The following OSBPL10 variants were observed in gnomAD, a reference collection of about 807,000 sequenced individuals.
OSBPL10 encodes oxysterol binding protein like 10.
Under a neutral mutation model 81.7 loss-of-function variants are expected in OSBPL10, and 49 were observed. The ratio of observed to expected loss-of-function variants is 0.60; its 90% CI spans 0.48 to 0.76. The LOEUF (loss-of-function observed/expected upper bound fraction) is 0.76. Among genes scored for constraint, OSBPL10 ranks in the 30% least tolerant of loss-of-function variants. The pLI, the probability that OSBPL10 is intolerant of heterozygous loss-of-function variation, is 0.00. For synonymous variants in OSBPL10, 419 were observed against 383.6 expected (o/e 1.09, Z -1.08); for missense variants, 923 against 987.8 (o/e 0.93, Z 0.88).
At position 31,862,812 on chromosome 3, in the gene OSBPL10, C is replaced by T. The variant is rs117126505; in HGVS notation, c.537+13621G>A. ...GGAAAAATTGGAACCCTATACATTG[C>T]TGATAGGGATGTAAAATGGTGCAGC... On this transcript the variant is annotated intron_variant, in intron 3 of 11. Transcript: ENST00000396556. Among the ~76,000 whole-genome samples, 112 of 152,266 alleles carry T rather than the reference C, an allele frequency of 7.4e-4. No individual in the cohort carries two copies. In the East Asian group the frequency reaches 0.019, roughly 26 times the overall value.
chr3:31,738,299 G>T (rs1332699761), intron 5 of OSBPL10, among the ~76,000 whole-genome samples: 1 of 151,250 alleles, frequency 6.6e-6, no homozygotes, highest in African/African-American at 2.4e-5. Context: ...TGAATCCCTA[G>T]TTTATGAAGT....
At chr3:31,967,312 G>T (rs962522915) in intron 1 of OSBPL10, among the ~76,000 whole-genome samples, 8 of 152,016 alleles carry the variant, frequency 5.3e-5, no homozygotes, top group Admixed American at 2.6e-4. Context: ...GCCAGGGCTG[G>T]TCTCAAACTC....
chr3:32,013,422 ATC>A (rs1242625310), intron 2 of OSBPL10, among the ~76,000 whole-genome samples: 5 of 152,194 alleles, frequency 3.3e-5, no homozygotes, highest in South Asian at 4.1e-4. Flanking sequence ...ACATACCAGA[ATC>A]TCTGGGACAC....
rs1265256355 is a variant in OSBPL10, at chr3:31,924,903, ATCTTT to A, written c.282-45078_282-45074del. 3.3e-5 allele frequency among the ~76,000 whole-genome samples: 5 copies of A among 152,204 alleles called. No individual in the cohort carries two copies. In the South Asian group the frequency reaches 1.0e-3, roughly 31 times the overall value. Reference sequence around the variant, plus strand: ...CTTTGCCAAGTCCTGAGATAATTTCATCTTTTCTTTTCAACTAAAATAGTAGCCAT... The same window carrying A: ...CTTTGCCAAGTCCTGAGATAATTTCATCTTTTCAACTAAAATAGTAGCCAT... On this transcript the variant is annotated intron_variant, in intron 1 of 11. Transcript: ENST00000396556.
upstream of OSBPL10, among the ~76,000 whole-genome samples, chr3:31,982,111 A>G (rs889542723): frequency 2.0e-5 from 3 of 152,108 alleles, no homozygotes; most frequent in African/African-American, 7.2e-5. Context: ...CATTGCTACC[A>G]CACTGCACGT....
At chr3:31,864,288 G>T (rs1701123086) in intron 3 of OSBPL10, among the ~76,000 whole-genome samples, 1 of 152,086 alleles carries the variant, frequency 6.6e-6, no homozygotes, top group Admixed American at 6.5e-5. Context: ...CCAGGCTGGA[G>T]TTGGAATGCA....
intron 2 of OSBPL10, among the ~76,000 whole-genome samples, chr3:32,010,140 A>ATT (rs11303839): frequency 0.15 from 22,665 of 146,828 alleles, 1,854 homozygotes; most frequent in South Asian, 0.28. Flanking sequence ...GAGGCTGCCC[A>ATT]TTTTTTTTTT....
chr3:31,736,173 AT>A (rs1305956488), intron 5 of OSBPL10, among the ~76,000 whole-genome samples: 1 of 152,206 alleles, frequency 6.6e-6, no homozygotes, highest in African/African-American at 2.4e-5. Flanking sequence ...GTTTTGCAAG[AT>A]GGAAAGAGTT....
chr3:31,710,411 C>T lies in OSBPL10; in HGVS notation c.1096-7903G>A, dbSNP rs73066087. On this transcript the variant is annotated intron_variant, in intron 6 of 11. Transcript: ENST00000396556. ...TCTTCCTACTTGTGCTGCTCCCCTTCTCCCCCCACAGCTTCCCTCTCAAAG... is the reference window on the plus strand; with the variant it reads ...TCTTCCTACTTGTGCTGCTCCCCTTTTCCCCCCACAGCTTCCCTCTCAAAG... Among the ~76,000 whole-genome samples the T allele has an allele frequency of 4.8e-3, 730 of 152,280 alleles. 4 individuals carry two copies. The highest frequency in any genetic ancestry group is 8.0e-3 in the Non-Finnish European group (541 of 67,998).
intron 8 of OSBPL10, among the ~76,000 whole-genome samples, chr3:31,678,354 A>C (rs866442785): frequency 1.3e-5 from 2 of 152,176 alleles, no homozygotes; most frequent in Non-Finnish European, 2.9e-5. Context: ...GAAGAAGGGA[A>C]AGATGAACAC....
chr3:31,684,524 G>A (rs532650129), intron 7 of OSBPL10, among the ~76,000 whole-genome samples: 6 of 152,286 alleles, frequency 3.9e-5, no homozygotes, highest in South Asian at 4.1e-4. Flanking sequence ...GGGAGGGGTC[G>A]GCAATCAGTG....
intron 1 of OSBPL10, among the ~76,000 whole-genome samples, chr3:31,908,202 C>G (rs890151872): frequency 4.6e-5 from 7 of 151,966 alleles, no homozygotes; most frequent in Non-Finnish European, 7.4e-5. Context: ...GGAACCAGAG[C>G]CAGATCACAC....
At chr3:31,953,567 C>A (rs931257087) in intron 1 of OSBPL10, among the ~76,000 whole-genome samples, 4 of 151,994 alleles carry the variant, frequency 2.6e-5, no homozygotes, top group Non-Finnish European at 5.9e-5. Flanking sequence ...GCCACCACAC[C>A]TGGCTAATTT....
Position 32,059,614 on chromosome 3 carries a change from A to C in OSBPL10, n.186-13011T>G, listed in dbSNP as rs970213663. ...TCAAAAAAACAAAACAAAACAAAAC[A>C]AAAAACAACAACAACAGGCTAGGCC... On this transcript the variant is annotated intron_variant and non_coding_transcript_variant, in intron 1 of 3. Transcript: ENST00000479173. Among the ~76,000 whole-genome samples the C allele has an allele frequency of 2.8e-4, 43 of 151,416 alleles. 1 individual carries two copies. The highest frequency in any genetic ancestry group is 4.3e-4 in the Non-Finnish European group (29 of 67,874).
intron 3 of OSBPL10, among the ~76,000 whole-genome samples, chr3:31,863,375 T>C (rs1701104000): frequency 6.6e-6 from 1 of 152,196 alleles, no homozygotes; most frequent in South Asian, 2.1e-4. Flanking sequence ...TTGTACAATT[T>C]TGAAAACATA....
intron 2 of OSBPL10, among the ~76,000 whole-genome samples, chr3:31,877,471 A>C (rs999907006): frequency 6.6e-6 from 1 of 152,180 alleles, no homozygotes; most frequent in Non-Finnish European, 1.5e-5. Flanking sequence ...AGTTATTCTC[A>C]AATATCATGG....
rs1217634980 is a variant in OSBPL10, at chr3:31,965,433, T to TAAA, written c.281+15465_281+15466insTTT. Among the ~76,000 whole-genome samples the TAAA allele has an allele frequency of 6.2e-4, 52 of 83,994 alleles. 5 individuals carry two copies. The East Asian group carries it at 9.7e-3, about 16-fold the overall frequency. The allele number at this position is 83,994 out of a possible 152,430, so 55.1% of individuals were successfully genotyped here. On this transcript the variant is annotated intron_variant, in intron 1 of 11. Coordinates refer to ENST00000396556, the MANE Select transcript of OSBPL10 (RefSeq NM_017784.5). ...TATATATTATATATAATAGATAATA[T>TAAA]ATAATATATATTATATAATATATAA... is the stretch of plus-strand genomic sequence containing the variant.
chr3:32,077,001 C>T (rs529489280), intron 1 of OSBPL10, among the ~76,000 whole-genome samples: 40 of 152,158 alleles, frequency 2.6e-4, no homozygotes, highest in African/African-American at 8.7e-4. Context: ...CTTGTAGCCC[C>T]CAGCTGTATG....
At chr3:31,741,350 C>T (rs993768994) in intron 5 of OSBPL10, among the ~76,000 whole-genome samples, 9 of 152,176 alleles carry the variant, frequency 5.9e-5, no homozygotes, top group Admixed American at 1.3e-4. Context: ...CTGCAACCTC[C>T]GCCTCCCAGG....
Sources: gnomAD v4.1 joint callset for allele counts (sites outside exome capture counted in the v4.1 genomes callset) on GRCh38, gnomAD v4.1.1 for gene constraint, MANE v1.5 for transcripts, NCBI Gene and HGNC (gene_info 2026-07-23, HGNC 2026-07-21) for gene names.